The following TBL2 variants were observed in gnomAD, a reference collection of about 807,000 sequenced individuals.
The protein encoded by TBL2 is transducin beta-like protein 2.
A neutral mutation model predicts 41.8 loss-of-function variants in TBL2; 33 were observed. The observed-to-expected ratio is 0.79, with a 90% CI of 0.60 to 1.06. The LOEUF (loss-of-function observed/expected upper bound fraction) is 1.06, where lower values mean the gene tolerates loss of function less well. Ranked by LOEUF, TBL2 falls within the 50% of genes least tolerant of loss-of-function variation. The pLI, the probability that TBL2 is intolerant of heterozygous loss-of-function variation, is 0.00. For synonymous variants in TBL2, 239 were observed against 241.7 expected, an observed-to-expected ratio of 0.99 and a Z score of 0.10; for missense variants, 522 against 603.8, an observed-to-expected ratio of 0.86 and a Z score of 1.42.
In TBL2 at chr7:73,574,015, C is replaced by A. The variant is rs1554588333; in HGVS notation, c.369G>T (p.Leu123=). ...CTCTCATGCTGCGGTGCTCTCGCTGCAGGAAGTCCTTGGTGCTCCAGATGC... is the reference window on the plus strand; with the variant it reads ...CTCTCATGCTGCGGTGCTCTCGCTGAAGGAAGTCCTTGGTGCTCCAGATGC... ...TIRIWSTKDF[L]QREHRSMRAN... The change falls in exon 3 of 7, where the codon CTG becomes CTT. Residue 123 remains leucine, a synonymous_variant. Coordinates refer to ENST00000305632, the MANE Select transcript of TBL2 (RefSeq NM_012453.4). 6.2e-7 allele frequency: 1 copy of A among 1,614,206 alleles called. No individual in the cohort carries two copies. The highest frequency in any genetic ancestry group is 8.5e-7 in the Non-Finnish European group (1 of 1,180,034).
At chr7:73,572,077 A>T (rs565121990) in intron 5 of TBL2, 1 of 155,852 alleles carries the variant, frequency 6.4e-6, no homozygotes, top group African/African-American at 2.4e-5. Flanking sequence ...AAACAAACAA[A>T]CAACCACAAC....
intron 1 of TBL2, among the ~76,000 whole-genome samples, chr7:73,576,236 GCTCTGT>G (rs1554588901): frequency 6.9e-6 from 1 of 145,730 alleles, no homozygotes; most frequent in Non-Finnish European, 1.5e-5. Context: ...ACAGAGTCTC[GCTCTGT>G]TGCCTCAGTC....
rs1414710371 is a variant in TBL2, at chr7:73,568,641, T to A, written c.*1866A>T. Among the ~76,000 whole-genome samples, 3 of 152,176 alleles carry A rather than the reference T, an allele frequency of 2.0e-5. No homozygotes were observed. Among genetic ancestry groups the A allele is most frequent in the Non-Finnish European group, 4.4e-5 (3 of 68,036 alleles). ...GTAAGAATTTTGGATTAAGTGTTTT[T>A]AGCTAGGCACGATGGCTCACACCTG... On this transcript the variant is annotated 3_prime_UTR_variant, in exon 7 of 7. Coordinates refer to ENST00000305632, the MANE Select transcript of TBL2 (RefSeq NM_012453.4).
chr7:73,568,140 G>C lies in TBL2; in HGVS notation c.*2367C>G, dbSNP rs935074212. On this transcript the variant is annotated 3_prime_UTR_variant, in exon 7 of 7. Coordinates refer to ENST00000305632, the MANE Select transcript of TBL2 (RefSeq NM_012453.4). The stretch of plus-strand genomic sequence containing the variant: ...GGAGACTGGGAGTGGGAAGATGCGC[G>C]GAGAAGATACTGGGAGGTCTGTGGC... Among the ~76,000 whole-genome samples the C allele has an allele frequency of 5.9e-5, 9 of 152,180 alleles. No individual in the cohort carries two copies. The highest frequency in any genetic ancestry group is 2.2e-4 in the African/African-American group (9 of 41,456).
chr7:73,577,879 C>T, intron 1 of TBL2: 1 of 188,784 alleles, frequency 5.3e-6, no homozygotes, highest in Non-Finnish European at 1.1e-5. Flanking sequence ...CTCAAGCGAT[C>T]TCCCTGCCTC....
intron 3 of TBL2, 143 bp from the exon 4 acceptor site, chr7:73,573,614 A>C: frequency 8.8e-7 from 1 of 1,141,878 alleles, no homozygotes; most frequent in Non-Finnish European, 1.2e-6. Flanking sequence ...CTGGTTCCAA[A>C]TCTCATAAAA....
rs1554587164 is a variant in TBL2, at chr7:73,570,594, G to A, written c.1257C>T (p.Ala419=). ...GCCTCTGGCGGGTGCTCTCGTTGGA[G>A]GCCCGCTTCAGGTGGCCCTGCATCT... The part of the protein sequence containing the change: ...VEEMQGHLKR[A]SNESTRQRLQ... The change falls in exon 7 of 7, where the codon GCC becomes GCT. Residue 419 remains alanine (A), a synonymous_variant. Coordinates refer to ENST00000305632, the MANE Select transcript of TBL2 (RefSeq NM_012453.4). 1 of 1,612,450 alleles carries A rather than the reference G, an allele frequency of 6.2e-7. No homozygotes were observed. The highest frequency in any genetic ancestry group is 8.5e-7 in the Non-Finnish European group (1 of 1,179,430).
At chr7:73,574,296 G>A (rs913474590) in intron 2 of TBL2, 87 bp downstream of exon 2, 296 of 1,568,828 alleles carry the variant, frequency 1.9e-4, no homozygotes, top group Non-Finnish European at 2.4e-4. Flanking sequence ...AGAGGCAGGA[G>A]AGCCTGTAAC....
In TBL2 at chr7:73,573,918, G is replaced by T. The variant is rs1584030877; in HGVS notation, c.446+20C>A. The T allele has an allele frequency of 6.2e-7, 1 of 1,610,572 alleles. No homozygotes were observed. ...GGACTAGGCCTCTGCAGGCAAACCT[G>T]AGGCTCCGTCTTGTCCCACCTGCAG... On this transcript the variant is annotated intron_variant, in intron 3 of 6. Coordinates refer to ENST00000305632, the MANE Select transcript of TBL2 (RefSeq NM_012453.4).
chr7:73,574,207 T>C lies in TBL2; in HGVS notation c.262-85A>G, dbSNP rs1793150510. The C allele has an allele frequency of 1.9e-6, 3 of 1,556,904 alleles. 1 individual carries two copies. Among genetic ancestry groups the C allele is most frequent in the South Asian group, 2.4e-5 (2 of 82,980 alleles). On this transcript the variant is annotated intron_variant, in intron 2 of 6. Coordinates refer to ENST00000305632, the MANE Select transcript of TBL2 (RefSeq NM_012453.4). ...ACCTGGAGCCGGGGAGATGGGGCCC[T>C]GTGGCCTGGATTAACAGCAAGCTGA...
At chr7:73,574,897 T>C (rs1327099479) in intron 1 of TBL2, 2 of 356,756 alleles carry the variant, frequency 5.6e-6, no homozygotes, top group African/African-American at 4.3e-5. Flanking sequence ...ACTGACTGAC[T>C]ACTGAGGAGG....
intron 3 of TBL2, 43 bp downstream of exon 3, chr7:73,573,895 A>G: frequency 1.2e-6 from 2 of 1,603,062 alleles, no homozygotes; most frequent in Non-Finnish European, 1.7e-6. Flanking sequence ...AAAGCCTGGG[A>G]CTAGGCCTCT....
chr7:73,567,543 A>G lies in TBL2; in HGVS notation c.*2964T>C, dbSNP rs1032365166. ...AATAGGCTATACACCGCCATTTAAA[A>G]TATTTCCCCAAATTTTTTTTTTGAA... On this transcript the variant is annotated 3_prime_UTR_variant, in exon 7 of 7. Transcript: ENST00000305632. 2.6e-5 allele frequency among the ~76,000 whole-genome samples: 4 copies of G among 152,288 alleles called. No homozygotes were observed. Among genetic ancestry groups the G allele is most frequent in the African/African-American group, 9.6e-5 (4 of 41,552 alleles).
rs77741706 is a variant in TBL2, at chr7:73,574,904, G to A, written c.131-391C>T. On this transcript the variant is annotated intron_variant, in intron 1 of 6. Transcript: ENST00000305632. ...TCTCTACTACTGACTGACTACTGAG[G>A]AGGCTGTTTACAGTAAGTCCACAGA... 1.1e-3 allele frequency: 383 copies of A among 354,520 alleles called. 9 individuals are homozygous for A. In the East Asian group the frequency reaches 0.027, roughly 25 times the overall value. The allele number at this position is 354,520 out of a possible 1,614,324, so 22.0% of individuals were successfully genotyped here.
intron 1 of TBL2, 43 bp downstream of exon 1, chr7:73,578,377 C>A (rs1793472320): frequency 6.6e-7 from 1 of 1,521,160 alleles, no homozygotes; most frequent in Non-Finnish European, 8.8e-7. Context: ...GGCCGGGAGC[C>A]GGGACACCGC....
At position 73,570,581 on chromosome 7, in the gene TBL2, T is replaced by C; in HGVS notation, c.1270A>G (p.Thr424Ala). The C allele has an allele frequency of 6.2e-7, 1 of 1,609,306 alleles. No individual in the cohort carries two copies. Reference sequence around the variant, plus strand: ...AGCTGCTGCTGCAGCCTCTGGCGGGTGCTCTCGTTGGAGGCCCGCTTCAGG... The same window carrying C: ...AGCTGCTGCTGCAGCCTCTGGCGGGCGCTCTCGTTGGAGGCCCGCTTCAGG... The part of the protein sequence containing the change: ...GHLKRASNES[T>A]RQRLQQQLTQ... The change falls in exon 7 of 7, where the codon ACC becomes GCC. Residue 424 changes from threonine to alanine, a missense_variant. Transcript: ENST00000305632.
At chr7:73,577,803 A>G (rs1235264531) in intron 1 of TBL2, among the ~76,000 whole-genome samples, 1 of 151,294 alleles carries the variant, frequency 6.6e-6, no homozygotes, top group East Asian at 1.9e-4. Flanking sequence ...GCACAACCAC[A>G]CCCAGCTAAT....
At chr7:73,577,294 G>A (rs2116022912) in intron 1 of TBL2, among the ~76,000 whole-genome samples, 1 of 150,438 alleles carries the variant, frequency 6.6e-6, no homozygotes, top group East Asian at 2.0e-4. Flanking sequence ...ATGCAGGGCT[G>A]GCCGGGCACA....
At chr7:73,578,200 A>G in intron 1 of TBL2, 2 of 1,502,160 alleles carry the variant, frequency 1.3e-6, no homozygotes, top group East Asian at 2.5e-5. Flanking sequence ...AGCCGCAGTA[A>G]GGGGCCCAGG....
Sources: allele counts gnomAD v4.1 joint callset (sites outside exome capture counted in the v4.1 genomes callset), GRCh38; gene constraint gnomAD v4.1.1; transcripts MANE v1.5; gene names NCBI Gene and HGNC (gene_info 2026-07-23, HGNC 2026-07-21).